Variants in CD2AP observed in about 807,000 individuals in gnomAD.
CD2AP encodes CD2 associated protein.
A neutral mutation model predicts 85.1 loss-of-function variants in CD2AP; 46 were observed. The observed-to-expected ratio is 0.54, with a 90% CI of 0.43 to 0.69. The LOEUF (loss-of-function observed/expected upper bound fraction) is 0.69. CD2AP is among the 30% of genes least tolerant of loss of function. The probability of loss-of-function intolerance (pLI) is 0.00; values close to 1 mark genes in which losing one functional copy is unlikely to be tolerated. For missense variants in CD2AP, 769 were observed against 729.5 expected, an observed-to-expected ratio of 1.05 and a Z score of -0.62; for synonymous variants, 255 against 252.9, an observed-to-expected ratio of 1.01 and a Z score of -0.08.
At chr6:47,493,278 G>C (rs1019425117) in intron 1 of CD2AP, among the ~76,000 whole-genome samples, 5 of 148,942 alleles carry the variant, frequency 3.4e-5, no homozygotes, top group South Asian at 2.1e-4. Flanking sequence ...ATGAATTCTT[G>C]TTTTTGTTTG....
At chr6:47,478,710 A>T (rs965934469) in intron 1 of CD2AP, among the ~76,000 whole-genome samples, 3 of 152,136 alleles carry the variant, frequency 2.0e-5, no homozygotes, top group Non-Finnish European at 4.4e-5. Context: ...GAGAGAGATA[A>T]ATTTGTTCAA....
rs1244200788 is a variant in CD2AP at position 47,606,273 on chromosome 6, A to T, written c.1526A>T (p.His509Leu). ...TTGCCGGGCCGTTTCAATGGTGGAC[A>T]TTCTGTGAGTTCATCTAATTGTCGT... ...RRLPGRFNGG[H>L]SPTHSPEKIL... The change falls in exon 14 of 18, where the codon CAT becomes CTT. Residue 509 changes from histidine to leucine, a missense_variant. Physicochemically the swap from His to Leu is moderately conservative, Grantham distance 99. Coordinates refer to ENST00000359314, the MANE Select transcript of CD2AP (RefSeq NM_012120.3). 1 of 1,549,560 alleles carries T rather than the reference A, an allele frequency of 6.5e-7. No homozygotes were observed. The highest frequency in any genetic ancestry group is 1.4e-5 in the African/African-American group (1 of 73,722).
At position 47,627,120 on chromosome 6, in the gene CD2AP, T is replaced by C. The variant is rs1769929276; in HGVS notation, c.*2893T>C. On this transcript the variant is annotated 3_prime_UTR_variant, in exon 18 of 18. Coordinates refer to ENST00000359314, the MANE Select transcript of CD2AP (RefSeq NM_012120.3). ...ATGCTTCTCTCTCAAAAAGAAAAAT[T>C]AAAGGATTTTATTGCCAGTCGTGTC... 6.6e-6 allele frequency: 1 copy of C among 152,506 alleles called. No homozygotes were observed. Among genetic ancestry groups the C allele is most frequent in the Non-Finnish European group, 1.5e-5 (1 of 67,930 alleles). The allele number at this position is 152,506 out of a possible 1,614,324, so 9.4% of individuals were successfully genotyped here. A position where few individuals can be genotyped will look rare whatever the true frequency, so the allele number is the denominator to read the frequency against.
At chr6:47,507,666 C>T (rs938633815) in intron 2 of CD2AP, among the ~76,000 whole-genome samples, 12 of 152,158 alleles carry the variant, frequency 7.9e-5, no homozygotes, top group African/African-American at 2.7e-4. Flanking sequence ...AGACTGGTCT[C>T]AAACTCCTGA....
At chr6:47,578,006 G>C (rs1768358717) in intron 8 of CD2AP, among the ~76,000 whole-genome samples, 1 of 151,430 alleles carries the variant, frequency 6.6e-6, no homozygotes, top group African/African-American at 2.4e-5. Flanking sequence ...TTATAGTGAA[G>C]CAAATTGACA....
chr6:47,542,237 A>G (rs1767233285), intron 3 of CD2AP, among the ~76,000 whole-genome samples: 1 of 152,088 alleles, frequency 6.6e-6, no homozygotes, highest in Non-Finnish European at 1.5e-5. Flanking sequence ...AAGTTCTGTT[A>G]AGTGTGCATT....
At chr6:47,520,073 A>G (rs929464535) in intron 2 of CD2AP, among the ~76,000 whole-genome samples, 1 of 152,208 alleles carries the variant, frequency 6.6e-6, no homozygotes, top group Non-Finnish European at 1.5e-5. Context: ...GTGTTTAGAA[A>G]AATGACCTGT....
intron 17 of CD2AP, among the ~76,000 whole-genome samples, chr6:47,622,028 T>C (rs1769758797): frequency 6.6e-6 from 1 of 152,162 alleles, no homozygotes; most frequent in African/African-American, 2.4e-5. Context: ...GTGGCTGCTG[T>C]TGGGGATGAA....
Position 47,595,898 on chromosome 6 carries a change from A to G in CD2AP, c.1146A>G (p.Pro382=). 1 of 1,612,938 alleles carries G rather than the reference A, an allele frequency of 6.2e-7. No individual in the cohort carries two copies. The highest frequency in any genetic ancestry group is 8.5e-7 in the Non-Finnish European group (1 of 1,179,178). The part of the protein sequence containing the change: ...KSTLEQKPSK[P]AAPQVPPKKP... ...CACTGGAACAGAAACCTTCTAAACC[A>G]GCAGCTCCACAAGTCCCACCCAAGA... Residue 382 remains proline (P), a synonymous_variant, in exon 12 of 18, where the codon CCA becomes CCG. Coordinates refer to ENST00000359314, the MANE Select transcript of CD2AP (RefSeq NM_012120.3).
intron 5 of CD2AP, among the ~76,000 whole-genome samples, chr6:47,572,450 C>T (rs1243884257): frequency 6.6e-6 from 1 of 152,224 alleles, no homozygotes; most frequent in Non-Finnish European, 1.5e-5. Flanking sequence ...ACTGTCTTCT[C>T]CACTTCAGTC....
chr6:47,572,742 T>C (rs1768190902), intron 5 of CD2AP, among the ~76,000 whole-genome samples: 1 of 152,174 alleles, frequency 6.6e-6, no homozygotes, highest in African/African-American at 2.4e-5. Flanking sequence ...TAATATCCCT[T>C]TGTCCAAGTT....
At chr6:47,505,862 C>T (rs1490041171) in intron 2 of CD2AP, among the ~76,000 whole-genome samples, 4 of 123,676 alleles carry the variant, frequency 3.2e-5, no homozygotes, top group African/African-American at 1.3e-4. Flanking sequence ...TGACCCCCCA[C>T]CTCCCTCCCG....
chr6:47,573,307 T>A (rs1038182052), intron 5 of CD2AP, among the ~76,000 whole-genome samples: 5 of 152,140 alleles, frequency 3.3e-5, no homozygotes, highest in African/African-American at 1.2e-4. Context: ...TAACAGATTA[T>A]GAACTATTGA....
At chr6:47,537,765 C>G (rs1002024374) in intron 3 of CD2AP, among the ~76,000 whole-genome samples, 1 of 151,610 alleles carries the variant, frequency 6.6e-6, no homozygotes, top group Non-Finnish European at 1.5e-5. Flanking sequence ...ATGGCCTAAG[C>G]ATTACGATTT....
intron 2 of CD2AP, among the ~76,000 whole-genome samples, chr6:47,511,844 C>T (rs1351322828): frequency 3.3e-5 from 5 of 151,122 alleles, no homozygotes; most frequent in Non-Finnish European, 4.4e-5. Flanking sequence ...CTGGCTAACA[C>T]GGTGAAACCT....
chr6:47,623,606 T>C (rs1769821081), intron 17 of CD2AP, among the ~76,000 whole-genome samples: 1 of 152,194 alleles, frequency 6.6e-6, no homozygotes, highest in Non-Finnish European at 1.5e-5. Flanking sequence ...CCTTAAGTTA[T>C]GAATTTCCTT....
intron 6 of CD2AP, among the ~76,000 whole-genome samples, chr6:47,574,612 T>C (rs1768252135): frequency 6.7e-6 from 1 of 149,396 alleles, no homozygotes; most frequent in African/African-American, 2.4e-5. Flanking sequence ...TATATTTAAT[T>C]TGAATTAGAC....
At chr6:47,621,297 A>G (rs1769737386) in intron 17 of CD2AP, among the ~76,000 whole-genome samples, 1 of 152,162 alleles carries the variant, frequency 6.6e-6, no homozygotes, top group Admixed American at 6.5e-5. Context: ...ATCTATTGAG[A>G]TGATATGTGA....
intron 4 of CD2AP, among the ~76,000 whole-genome samples, chr6:47,547,780 A>G (rs1767405807): frequency 6.6e-6 from 1 of 152,154 alleles, no homozygotes; most frequent in African/African-American, 2.4e-5. Context: ...TAGGCCACAA[A>G]GTGAACCTCA....
Sources: allele counts gnomAD v4.1 joint callset (sites outside exome capture counted in the v4.1 genomes callset), GRCh38; gene constraint gnomAD v4.1.1; transcripts MANE v1.5; gene names NCBI Gene and HGNC (gene_info 2026-07-23, HGNC 2026-07-21).